DGKH: variants seen among roughly 807,000 people sequenced by gnomAD.
DGKH encodes DAG kinase eta.
Under a neutral mutation model 159.3 loss-of-function variants are expected in DGKH, and 90 were observed. The ratio of observed to expected loss-of-function variants is 0.57; its 90% CI spans 0.48 to 0.67. The LOEUF is 0.67. Among genes scored for constraint, DGKH ranks in the 30% least tolerant of loss-of-function variants. DGKH has a pLI of 0.00. For synonymous variants in DGKH, 536 were observed against 553.8 expected, an observed-to-expected ratio of 0.97 and a Z score of 0.45; for missense variants, 1,181 against 1,506.1, an observed-to-expected ratio of 0.78 and a Z score of 3.57.
intron 1 of DGKH, among the ~76,000 whole-genome samples, chr13:42,108,190 T>C (rs1954797031): frequency 1.3e-5 from 2 of 152,054 alleles, no homozygotes; most frequent in Admixed American, 6.6e-5. Context: ...TCATAGGGGG[T>C]CATTGTTATA....
chr13:42,173,107 G>T (rs1337176291), intron 11 of DGKH, among the ~76,000 whole-genome samples: 2 of 152,118 alleles, frequency 1.3e-5, no homozygotes, highest in African/African-American at 4.8e-5. Context: ...AAGTAGCTGG[G>T]ATTACAGGTG....
At chr13:42,109,088 A>AG (rs1239259783) in intron 1 of DGKH, among the ~76,000 whole-genome samples, 1 of 152,256 alleles carries the variant, frequency 6.6e-6, no homozygotes, top group Non-Finnish European at 1.5e-5. Context: ...AGTACCACTG[A>AG]GGTGATAGGC....
At chr13:42,078,840 C>T (rs2137713491) in intron 1 of DGKH, among the ~76,000 whole-genome samples, 1 of 149,672 alleles carries the variant, frequency 6.7e-6, no homozygotes, top group East Asian at 2.0e-4. Context: ...ATTCATTTTA[C>T]TTTAACATAC....
chr13:42,119,989 T>G (rs1399303953), intron 1 of DGKH, among the ~76,000 whole-genome samples: 1 of 152,206 alleles, frequency 6.6e-6, no homozygotes, highest in Non-Finnish European at 1.5e-5. Context: ...TGTGGTTATA[T>G]TTTCCCCATA....
At chr13:42,058,177 C>T (rs1881894940) in intron 1 of DGKH, among the ~76,000 whole-genome samples, 1 of 152,100 alleles carries the variant, frequency 6.6e-6, no homozygotes, top group Non-Finnish European at 1.5e-5. Context: ...GAAAAAAATA[C>T]ATATATATGT....
chr13:42,144,365 T>A (rs980550300), intron 3 of DGKH, among the ~76,000 whole-genome samples: 1 of 152,022 alleles, frequency 6.6e-6, no homozygotes, highest in African/African-American at 2.4e-5. Flanking sequence ...CCCCCAGTGA[T>A]GTGCACGAAA....
chr13:42,245,200 C>T (rs1292278024), downstream of DGKH, among the ~76,000 whole-genome samples: 1 of 152,170 alleles, frequency 6.6e-6, no homozygotes, highest in East Asian at 1.9e-4. Context: ...TAAAGATGCA[C>T]TGGAGTATCT....
At chr13:42,148,593 C>T (rs914656230) in intron 3 of DGKH, among the ~76,000 whole-genome samples, 1 of 152,180 alleles carries the variant, frequency 6.6e-6, no homozygotes, top group Non-Finnish European at 1.5e-5. Context: ...CACTGCTGCC[C>T]TGCCAGTTAT....
intron 1 of DGKH, among the ~76,000 whole-genome samples, chr13:42,119,387 C>A (rs116879813): frequency 6.6e-6 from 1 of 152,174 alleles, no homozygotes; most frequent in African/African-American, 2.4e-5. Context: ...AGTTCAGAGA[C>A]GCTCCTCTTA....
In DGKH at chr13:42,238,189, C is replaced by T. The variant is rs568734587; in HGVS notation, c.*9001C>T. ...TAAGTATGAATCATACCTAATTTTA[C>T]AATTTCTTTCCCACGGTCATTTTGG... On this transcript the variant is annotated 3_prime_UTR_variant, in exon 30 of 30. Transcript: ENST00000337343. 2.6e-5 allele frequency: 4 copies of T among 152,302 alleles called. No homozygotes were observed. In the East Asian group the frequency reaches 7.7e-4, roughly 29 times the overall value. 9.4% of individuals were successfully genotyped at this position (152,302 alleles called of 1,614,324 possible). A position where few individuals can be genotyped will look rare whatever the true frequency, so the allele number is the denominator to read the frequency against.
At chr13:42,196,980 G>A (rs1229249396) in intron 17 of DGKH, among the ~76,000 whole-genome samples, 6 of 152,092 alleles carry the variant, frequency 3.9e-5, no homozygotes, top group African/African-American at 1.4e-4. Context: ...ATGGCTGGGC[G>A]TGGTGGCTCA....
At chr13:42,137,996 G>A (rs1380564223) in intron 3 of DGKH, 1 of 708,760 alleles carries the variant, frequency 1.4e-6, no homozygotes. Flanking sequence ...TTTCTAACTT[G>A]AGTCATCTGA....
chr13:42,085,110 T>C (rs1441390788), intron 1 of DGKH, among the ~76,000 whole-genome samples: 1 of 152,130 alleles, frequency 6.6e-6, no homozygotes, highest in Admixed American at 6.5e-5. Flanking sequence ...TTAGGTTATG[T>C]TAATGCAGAT....
chr13:42,105,999 T>G (rs887343333), intron 1 of DGKH, among the ~76,000 whole-genome samples: 3 of 149,624 alleles, frequency 2.0e-5, no homozygotes, highest in Admixed American at 6.7e-5. Context: ...GGAATGTGGT[T>G]TTTTTTTTTT....
chr13:42,094,648 T>C (rs1954486739), intron 1 of DGKH, among the ~76,000 whole-genome samples: 1 of 152,232 alleles, frequency 6.6e-6, no homozygotes, highest in Non-Finnish European at 1.5e-5. Context: ...TACAACATTG[T>C]ACCATTTACA....
rs1958520832 is a variant in DGKH at position 42,241,915 on chromosome 13, T to C, written c.*12727T>C. 1 of 152,222 alleles carries C rather than the reference T, an allele frequency of 6.6e-6. No individual in the cohort carries two copies. Among genetic ancestry groups the C allele is most frequent in the African/African-American group, 2.4e-5 (1 of 41,446 alleles). The allele number at this position is 152,222 out of a possible 1,614,324, so 9.4% of individuals were successfully genotyped here. ...GGTTCCTTCATGAGAAGGAAAAAACTGTATCTTTATTGTCAGTAAGTGTGG... is the reference window on the plus strand; with the variant it reads ...GGTTCCTTCATGAGAAGGAAAAAACCGTATCTTTATTGTCAGTAAGTGTGG... On this transcript the variant is annotated 3_prime_UTR_variant, in exon 30 of 30. Transcript: ENST00000337343.
intron 29 of DGKH, among the ~76,000 whole-genome samples, chr13:42,226,102 A>G (rs962987629): frequency 2.0e-5 from 3 of 152,138 alleles, no homozygotes; most frequent in African/African-American, 7.2e-5. Flanking sequence ...ACAAATTTAC[A>G]AGAAAAAAAA....
At chr13:42,225,294 C>T (rs1958095346) in intron 29 of DGKH, 5 of 1,585,098 alleles carry the variant, frequency 3.2e-6, no homozygotes, top group Non-Finnish European at 4.3e-6. Context: ...TGCTAGAACA[C>T]AGTAGGAGAA....
exon 31 of DGKH, chr13:42,256,407 C>A: frequency 1.3e-6 from 2 of 1,580,170 alleles, no homozygotes; most frequent in Non-Finnish European, 1.7e-6. Context: ...GACAAGGCAG[C>A]AAAGATTGCT....
Sources: allele counts gnomAD v4.1 joint callset (sites outside exome capture counted in the v4.1 genomes callset), GRCh38; gene constraint gnomAD v4.1.1; transcripts MANE v1.5; gene names NCBI Gene and HGNC (gene_info 2026-07-23, HGNC 2026-07-21).